IQCH: variants seen among roughly 807,000 people sequenced by gnomAD.
IQCH encodes IQ motif containing H.
In IQCH, 98 loss-of-function variants were observed where a neutral mutation model predicts 117.0. The observed-to-expected ratio is 0.84, with a 90% CI of 0.71 to 0.99. The LOEUF (loss-of-function observed/expected upper bound fraction) is 0.99. IQCH is among the 50% of genes least tolerant of loss of function. The probability of loss-of-function intolerance (pLI) is 0.00; values close to 1 mark genes in which losing one functional copy is unlikely to be tolerated. For missense variants in IQCH, 1,102 were observed against 1,243.8 expected (o/e 0.89, Z 1.72); for synonymous variants, 412 against 448.2 (o/e 0.92, Z 1.02).
Position 67,337,161 on chromosome 15 carries a change from G to A in IQCH, c.508+66G>A, listed in dbSNP as rs1968931940. The A allele has an allele frequency of 1.2e-5, 19 of 1,570,916 alleles. 1 individual carries two copies. The Admixed American group carries it at 1.4e-4, about 11-fold the overall frequency. On this transcript the variant is annotated intron_variant, in intron 5 of 20. Transcript: ENST00000335894. Reference sequence around the variant, plus strand: ...AAAGAAAGAGCATTGAGGTAGGATCGGAGGCCTGAATTTGGACTCTGGCTC... The same window carrying A: ...AAAGAAAGAGCATTGAGGTAGGATCAGAGGCCTGAATTTGGACTCTGGCTC...
At chr15:67,320,367 T>C (rs1567093591) in intron 4 of IQCH, among the ~76,000 whole-genome samples, 1 of 152,234 alleles carries the variant, frequency 6.6e-6, no homozygotes, top group Non-Finnish European at 1.5e-5. Flanking sequence ...AAGTCTTTCT[T>C]AGATCTTAAC....
rs1197658083 is a variant in IQCH at position 67,356,759 on chromosome 15, A to T, written c.638-586A>T. 6.6e-6 allele frequency among the ~76,000 whole-genome samples: 1 copy of T among 152,116 alleles called. No individual in the cohort carries two copies. Among genetic ancestry groups the T allele is most frequent in the Non-Finnish European group, 1.5e-5 (1 of 68,020 alleles). On this transcript the variant is annotated intron_variant, in intron 6 of 20. Coordinates refer to ENST00000335894, the MANE Select transcript of IQCH (RefSeq NM_001031715.3). This position sits in a 1 kb window ranked among gnomAD's most constrained non-coding sequence, Gnocchi z 5.3. ...GGTTTGCTGCTAGGCAGTAGGAGAGATGTGATTGAGAGCATTATCTAGCAT... is the reference window on the plus strand; with the variant it reads ...GGTTTGCTGCTAGGCAGTAGGAGAGTTGTGATTGAGAGCATTATCTAGCAT...
At chr15:67,495,680 G>A (rs540374111) in intron 20 of IQCH, among the ~76,000 whole-genome samples, 2 of 152,304 alleles carry the variant, frequency 1.3e-5, no homozygotes, top group Admixed American at 6.5e-5. Context: ...GGCTTGTCTC[G>A]CTGTGGGCAG....
At position 67,467,559 on chromosome 15, in the gene IQCH, T is replaced by C. The variant is rs1318455030; in HGVS notation, c.2676+2262T>C. On this transcript the variant is annotated intron_variant, in intron 17 of 20. Transcript: ENST00000335894. The surrounding 1 kb of genome is among the most constrained non-coding windows in gnomAD (Gnocchi z 5.7). The stretch of plus-strand genomic sequence containing the variant: ...GGAATAAATTGAAAGGGCTTTTCAT[T>C]TTAGAAAGATACAGATGTTCCCACC... 1.3e-5 allele frequency among the ~76,000 whole-genome samples: 2 copies of C among 152,240 alleles called. No individual in the cohort carries two copies. Among genetic ancestry groups the C allele is most frequent in the African/African-American group, 2.4e-5 (1 of 41,462 alleles).
chr15:67,499,483 G>A lies in IQCH; in HGVS notation c.2971-1150G>A, dbSNP rs115477947. Among the ~76,000 whole-genome samples, 814 of 152,058 alleles carry A rather than the reference G, an allele frequency of 5.4e-3. 4 individuals carry two copies. The highest frequency in any genetic ancestry group is 0.019 in the African/African-American group (784 of 41,462). ...TGTTGGTGAGGATACGGAGAAACCA[G>A]AACCCTCATATATTGCTGGTAAGAA... On this transcript the variant is annotated intron_variant, in intron 20 of 20. Coordinates refer to ENST00000335894, the MANE Select transcript of IQCH (RefSeq NM_001031715.3).
chr15:67,469,520 G>A (rs749807209), intron 17 of IQCH, among the ~76,000 whole-genome samples: 11 of 152,208 alleles, frequency 7.2e-5, no homozygotes, highest in Non-Finnish European at 1.6e-4. Flanking sequence ...TATTGTGACA[G>A]GTCATATCCT....
chr15:67,281,454 A>G, intron 4 of IQCH: 2 of 307,876 alleles, frequency 6.5e-6, no homozygotes, highest in Non-Finnish European at 1.3e-5. Flanking sequence ...GGCCAAAACC[A>G]GGTTATGTTT....
chr15:67,418,513 C>CCACACACACACACA (rs368875296), intron 15 of IQCH, among the ~76,000 whole-genome samples: 4,692 of 113,992 alleles, frequency 0.041, 157 homozygotes, highest in African/African-American at 0.063. Context: ...CAAGTGGCTA[C>CCACACACACACACA]CACACACACA....
intron 1 of IQCH, among the ~76,000 whole-genome samples, chr15:67,256,228 G>A (rs1264053040): frequency 6.6e-6 from 1 of 152,106 alleles, no homozygotes; most frequent in Non-Finnish European, 1.5e-5. Flanking sequence ...AGAGCTTTTG[G>A]TCATCTTATC....
At chr15:67,402,334 T>A (rs983962962) in intron 14 of IQCH, among the ~76,000 whole-genome samples, 2 of 152,316 alleles carry the variant, frequency 1.3e-5, no homozygotes, top group African/African-American at 4.8e-5. Flanking sequence ...ATAAAGTAGT[T>A]CTGAAAAGGT....
chr15:67,365,324 A>C lies in IQCH; in HGVS notation c.753+5439A>C, dbSNP rs551258148. 3.7e-4 allele frequency among the ~76,000 whole-genome samples: 57 copies of C among 152,324 alleles called. 1 individual carries two copies. The highest frequency in any genetic ancestry group is 1.3e-3 in the African/African-American group (55 of 41,582). ...CTTTGCATTAGTGCTCCAAAACTCA[A>C]GCTATAAGTTTGCAAATAACTTGTA... On this transcript the variant is annotated intron_variant, in intron 8 of 20. Coordinates refer to ENST00000335894, the MANE Select transcript of IQCH (RefSeq NM_001031715.3). This position sits in a 1 kb window ranked among gnomAD's most constrained non-coding sequence, Gnocchi z 4.4.
rs765585243 is a variant in IQCH at position 67,427,109 on chromosome 15, T to C, written c.2505+5532T>C. Among the ~76,000 whole-genome samples, 6 of 152,228 alleles carry C rather than the reference T, an allele frequency of 3.9e-5. No individual in the cohort carries two copies. The highest frequency in any genetic ancestry group is 8.8e-5 in the Non-Finnish European group (6 of 68,046). ...TTCATTTTATGTAAATAAAGTTTTA[T>C]TGGAACACTAAAAAATAAATAACTT... On this transcript the variant is annotated intron_variant, in intron 16 of 20. Transcript: ENST00000335894. The surrounding 1 kb of genome is among the most constrained non-coding windows in gnomAD (Gnocchi z 4.7).
In IQCH at chr15:67,496,199, C is replaced by T. The variant is rs2083803996; in HGVS notation, c.2970+1833C>T. Among the ~76,000 whole-genome samples the T allele has an allele frequency of 6.6e-6, 1 of 151,886 alleles. No individual in the cohort carries two copies. Among genetic ancestry groups the T allele is most frequent in the African/African-American group, 2.4e-5 (1 of 41,330 alleles). On this transcript the variant is annotated intron_variant, in intron 20 of 20. Transcript: ENST00000335894. This position sits in a 1 kb window ranked among gnomAD's most constrained non-coding sequence, Gnocchi z 4.4. ...AGGTGTGGTGGCTCATGCCTGTAGT[C>T]CCAGCTACTTGGGGGGCTGAGGTGG...
rs902516075 is a variant in IQCH at position 67,475,336 on chromosome 15, G to A, written c.2677-360G>A. ...TACAAAAAAATAATAAAGTTAACCA[G>A]GTGTGGTGGCATGCACCTGTAGTCC... On this transcript the variant is annotated intron_variant, in intron 17 of 20. Coordinates refer to ENST00000335894, the MANE Select transcript of IQCH (RefSeq NM_001031715.3). The surrounding 1 kb of genome is among the most constrained non-coding windows in gnomAD (Gnocchi z 5.7). Among the ~76,000 whole-genome samples the A allele has an allele frequency of 6.6e-6, 1 of 152,052 alleles. No individual in the cohort carries two copies. Among genetic ancestry groups the A allele is most frequent in the Non-Finnish European group, 1.5e-5 (1 of 68,008 alleles).
intron 20 of IQCH, among the ~76,000 whole-genome samples, chr15:67,495,733 T>C (rs2083787260): frequency 6.6e-6 from 1 of 152,230 alleles, no homozygotes. Flanking sequence ...TCTCTGCCCT[T>C]TCTCTGACTT....
At position 67,496,276 on chromosome 15, in the gene IQCH, G is replaced by C. The variant is rs1033243716; in HGVS notation, c.2970+1910G>C. 1.3e-5 allele frequency among the ~76,000 whole-genome samples: 2 copies of C among 151,984 alleles called. No homozygotes were observed. Among genetic ancestry groups the C allele is most frequent in the African/African-American group, 4.8e-5 (2 of 41,358 alleles). On this transcript the variant is annotated intron_variant, in intron 20 of 20. Coordinates refer to ENST00000335894, the MANE Select transcript of IQCH (RefSeq NM_001031715.3). This position sits in a 1 kb window ranked among gnomAD's most constrained non-coding sequence, Gnocchi z 4.4. ...AGGCTGCAGTGAGTCTGGGTGATGG[G>C]AGTAAGAATAAAAAAAAGGAAGATA...
rs1247876341 is a variant in IQCH, at chr15:67,416,778, AAGAG to A, written c.2098-149_2098-146del. Among the ~76,000 whole-genome samples, 1 of 152,208 alleles carries A rather than the reference AAGAG, an allele frequency of 6.6e-6. No individual in the cohort carries two copies. Among genetic ancestry groups the A allele is most frequent in the Non-Finnish European group, 1.5e-5 (1 of 68,040 alleles). On this transcript the variant is annotated intron_variant, in intron 14 of 20. Transcript: ENST00000335894. This position sits in a 1 kb window ranked among gnomAD's most constrained non-coding sequence, Gnocchi z 5.1. ...ATATGAAAACTGAAATGGCTGAAAA[AAGAG>A]AGAACATTTTCAAAATGGCTTTCTG...
intron 4 of IQCH, among the ~76,000 whole-genome samples, chr15:67,308,442 A>C (rs1424703417): frequency 6.6e-6 from 1 of 152,096 alleles, no homozygotes; most frequent in African/African-American, 2.4e-5. Flanking sequence ...GCATTTGGTA[A>C]ATTAAATTAG....
intron 18 of IQCH, among the ~76,000 whole-genome samples, chr15:67,486,446 A>T (rs2083482815): frequency 6.6e-6 from 1 of 152,196 alleles, no homozygotes; most frequent in African/African-American, 2.4e-5. Context: ...AGGAAAAAAA[A>T]AATCCAATAA....
Sources: allele counts gnomAD v4.1 joint callset (sites outside exome capture counted in the v4.1 genomes callset), GRCh38; gene constraint gnomAD v4.1.1; non-coding constraint Gnocchi (gnomAD v3.1); transcripts MANE v1.5; gene names NCBI Gene and HGNC (gene_info 2026-07-23, HGNC 2026-07-21).